The following ATP13A4 variants were observed in gnomAD, a reference collection of about 807,000 sequenced individuals.
ATP13A4 encodes the protein probable cation-transporting ATPase 13A4.
Under a neutral mutation model 142.5 loss-of-function variants are expected in ATP13A4, and 114 were observed. That is an observed-to-expected ratio of 0.80 (90% CI 0.69 to 0.93). ATP13A4 has a LOEUF of 0.93. Ranked by LOEUF, ATP13A4 falls within the 40% of genes least tolerant of loss-of-function variation. The pLI is 0.00. For synonymous variants in ATP13A4, 488 were observed against 514.8 expected, an observed-to-expected ratio of 0.95 and a Z score of 0.70; for missense variants, 1,392 against 1,454.0, an observed-to-expected ratio of 0.96 and a Z score of 0.69.
intron 7 of ATP13A4, 93 bp downstream of exon 7, chr3:193,489,637 A>G (rs1039966906): frequency 7.4e-7 from 1 of 1,356,416 alleles, no homozygotes; most frequent in Non-Finnish European, 1.0e-6. Context: ...CGGAGTAGGA[A>G]GTGACTATTT....
At chr3:193,414,461 C>T in intron 26 of ATP13A4, 118 bp downstream of exon 26, 3 of 1,211,944 alleles carry the variant, frequency 2.5e-6, no homozygotes, top group Non-Finnish European at 3.6e-6. Context: ...GCCCAAGGGA[C>T]TTTAAAAAGC....
chr3:193,580,430 G>A (rs1455520027), intron 2 of ATP13A4, among the ~76,000 whole-genome samples: 1 of 152,176 alleles, frequency 6.6e-6, no homozygotes, highest in Non-Finnish European at 1.5e-5. Flanking sequence ...AGAGAAAGGA[G>A]ACTGTCAACA....
intron 1 of ATP13A4, among the ~76,000 whole-genome samples, chr3:193,532,538 T>C (rs975788066): frequency 1.3e-5 from 2 of 151,684 alleles, no homozygotes; most frequent in African/African-American, 4.9e-5. Flanking sequence ...TTTTGGCAAG[T>C]GCTGAAAGCT....
chr3:193,577,592 T>A (rs774453163), intron 2 of ATP13A4, among the ~76,000 whole-genome samples: 3 of 152,196 alleles, frequency 2.0e-5, no homozygotes, highest in Non-Finnish European at 2.9e-5. Flanking sequence ...ACAATTAACA[T>A]TGCATTTGTA....
At chr3:193,520,473 C>T (rs902664245) in intron 1 of ATP13A4, among the ~76,000 whole-genome samples, 6 of 152,156 alleles carry the variant, frequency 3.9e-5, no homozygotes, top group African/African-American at 1.4e-4. Context: ...TTTTCTTTCT[C>T]TTTTTAGCCT....
At chr3:193,447,033 C>A (rs766239612) in intron 18 of ATP13A4, among the ~76,000 whole-genome samples, 1 of 151,956 alleles carries the variant, frequency 6.6e-6, no homozygotes, top group Admixed American at 6.6e-5. Flanking sequence ...CATCCAAGGA[C>A]AATACTTCAG....
At chr3:193,522,479 G>A (rs941850399) in intron 1 of ATP13A4, among the ~76,000 whole-genome samples, 4 of 152,164 alleles carry the variant, frequency 2.6e-5, no homozygotes, top group Non-Finnish European at 5.9e-5. Flanking sequence ...GTTTGGGGAG[G>A]TTAAGAAATG....
At chr3:193,581,604 T>C (rs1007068852) in intron 2 of ATP13A4, 1 of 152,196 alleles carries the variant, frequency 6.6e-6, no homozygotes, top group African/African-American at 2.4e-5. Context: ...CTAATCCCTT[T>C]GAATCTGATG....
intron 20 of ATP13A4, 30 bp from the exon 21 acceptor site, chr3:193,440,667 T>C: frequency 6.2e-7 from 1 of 1,607,162 alleles, no homozygotes; most frequent in Non-Finnish European, 8.5e-7. Context: ...GAGATTTTTT[T>C]ATCAAGTCAT....
intron 3 of ATP13A4, among the ~76,000 whole-genome samples, chr3:193,496,260 C>G (rs777300711): frequency 2.0e-5 from 3 of 152,046 alleles, no homozygotes; most frequent in African/African-American, 4.8e-5. Flanking sequence ...ACCCTGGATA[C>G]CCAAAGCAAA....
At chr3:193,440,775 G>A in intron 20 of ATP13A4, 138 bp from the exon 21 acceptor site, 1 of 893,652 alleles carries the variant, frequency 1.1e-6, no homozygotes. Context: ...GCCTTCCTTT[G>A]GATTTTAAGA....
At chr3:193,475,618 G>A (rs553069245) in intron 8 of ATP13A4, among the ~76,000 whole-genome samples, 1 of 152,048 alleles carries the variant, frequency 6.6e-6, no homozygotes, top group East Asian at 1.9e-4. Flanking sequence ...AATGTCTTCT[G>A]TCTTACAGAT....
At chr3:193,575,609 G>C (rs867424084) in intron 2 of ATP13A4, among the ~76,000 whole-genome samples, 1 of 152,162 alleles carries the variant, frequency 6.6e-6, no homozygotes, top group Non-Finnish European at 1.5e-5. Flanking sequence ...TAACAAATTT[G>C]ATGCTGATTG....
intron 17 of ATP13A4, among the ~76,000 whole-genome samples, chr3:193,453,727 C>T (rs1357824869): frequency 2.0e-5 from 3 of 151,642 alleles, no homozygotes; most frequent in Admixed American, 2.0e-4. Context: ...AATTCCCAAC[C>T]AATCCACCAA....
intron 20 of ATP13A4, 118 bp downstream of exon 20, chr3:193,441,348 C>G: frequency 7.8e-7 from 1 of 1,284,776 alleles, no homozygotes; most frequent in Non-Finnish European, 1.1e-6. Flanking sequence ...TCTTAAGATA[C>G]AGAAAACTCA....
Position 193,470,946 on chromosome 3 carries a change from A to G in ATP13A4, c.856T>C (p.Leu286=). The G allele has an allele frequency of 1.9e-6, 3 of 1,614,184 alleles. No homozygotes were observed. Among genetic ancestry groups the G allele is most frequent in the Middle Eastern group, 1.7e-4 (1 of 6,060 alleles). ...ESRVLVPGDL[L]ILTGNKVLMP... is the part of the protein sequence containing the mutation. ...AGCACTTTGTTCCCTGTCAAAATTA[A>G]TAAATCTCCAGGCACCAGGACGCGT... The change falls in exon 9 of 30, where the codon TTA becomes CTA. Residue 286 remains leucine (L), a synonymous_variant. Transcript: ENST00000342695.
At chr3:193,544,967 G>T (rs1470774746) in intron 1 of ATP13A4, among the ~76,000 whole-genome samples, 1 of 152,048 alleles carries the variant, frequency 6.6e-6, no homozygotes, top group Non-Finnish European at 1.5e-5. Context: ...GTAAGATTGA[G>T]GTTAACAACC....
chr3:193,549,433 TAGAG>T (rs374646368), intron 1 of ATP13A4, among the ~76,000 whole-genome samples: 4,944 of 136,660 alleles, frequency 0.036, 189 homozygotes, highest in African/African-American at 0.091. Flanking sequence ...TATATATATA[TAGAG>T]AGAGAGAGAG....
intron 2 of ATP13A4, among the ~76,000 whole-genome samples, chr3:193,577,070 A>G (rs1300340534): frequency 6.6e-6 from 1 of 152,254 alleles, no homozygotes; most frequent in Non-Finnish European, 1.5e-5. Flanking sequence ...AAGTCAAAAT[A>G]CACTTGGATA....
Sources: gnomAD v4.1 joint callset for allele counts (sites outside exome capture counted in the v4.1 genomes callset) on GRCh38, gnomAD v4.1.1 for gene constraint, MANE v1.5 for transcripts, NCBI Gene and HGNC (gene_info 2026-07-23, HGNC 2026-07-21) for gene names.